RNGTT: variants seen among roughly 807,000 people sequenced by gnomAD.
RNGTT encodes mRNA-capping enzyme.
In RNGTT, 33 loss-of-function variants were observed where a neutral mutation model predicts 79.3. The ratio of observed to expected loss-of-function variants is 0.42; its 90% confidence interval spans 0.32 to 0.56. The LOEUF (loss-of-function observed/expected upper bound fraction) is 0.56, where lower values mean the gene tolerates loss of function less well. Among genes scored for constraint, RNGTT ranks in the 20% least tolerant of loss-of-function variants. RNGTT has a pLI of 0.17. For synonymous variants in RNGTT, 222 were observed against 235.9 expected (o/e 0.94, Z 0.54); for missense variants, 497 against 739.1 (o/e 0.67, Z 3.80).
intron 14 of RNGTT, among the ~76,000 whole-genome samples, chr6:88,642,028 TGAGAGAGA>T (rs138018201): frequency 2.0e-5 from 3 of 149,502 alleles, no homozygotes; most frequent in Admixed American, 6.7e-5. Flanking sequence ...CCTTGTCATT[TGAGAGAGA>T]GAGAGAGAGA....
intron 13 of RNGTT, among the ~76,000 whole-genome samples, chr6:88,726,461 A>G (rs1487018703): frequency 6.6e-6 from 1 of 151,708 alleles, no homozygotes. Context: ...CTATTCCATT[A>G]GAAAAAGATG....
intron 6 of RNGTT, among the ~76,000 whole-genome samples, chr6:88,904,076 A>G (rs2127942151): frequency 6.6e-6 from 1 of 152,308 alleles, no homozygotes; most frequent in East Asian, 1.9e-4. Flanking sequence ...TTATGTGACA[A>G]TTTTGTAAAG....
chr6:88,720,010 C>T (rs953618379), intron 13 of RNGTT, among the ~76,000 whole-genome samples: 4 of 152,188 alleles, frequency 2.6e-5, no homozygotes, highest in Non-Finnish European at 4.4e-5. Context: ...AAACACATCC[C>T]TACTCTGTGG....
At chr6:88,954,384 A>T (rs777568293) in intron 1 of RNGTT, among the ~76,000 whole-genome samples, 1 of 152,228 alleles carries the variant, frequency 6.6e-6, no homozygotes, top group Non-Finnish European at 1.5e-5. Context: ...GTTCAAAAAG[A>T]CAGAGAAGGA....
chr6:88,805,675 T>C (rs1036936830), intron 11 of RNGTT, among the ~76,000 whole-genome samples: 1 of 152,168 alleles, frequency 6.6e-6, no homozygotes, highest in African/African-American at 2.4e-5. Flanking sequence ...GCGATTCAGG[T>C]GCTCAGGTTC....
chr6:88,678,304 T>C (rs11753513), intron 14 of RNGTT, 49 bp downstream of exon 14: 530,210 of 1,572,314 alleles, frequency 0.34, 94,379 homozygotes, highest in Non-Finnish European at 0.37. Flanking sequence ...TGATGGATTC[T>C]AGATAAGAGA....
intron 14 of RNGTT, among the ~76,000 whole-genome samples, chr6:88,639,577 T>C (rs1444313576): frequency 6.6e-6 from 1 of 152,214 alleles, no homozygotes. Context: ...TGGCTCATAC[T>C]TCCCTTATAG....
At chr6:88,643,995 G>A (rs1773428561) in intron 14 of RNGTT, among the ~76,000 whole-genome samples, 1 of 151,942 alleles carries the variant, frequency 6.6e-6, no homozygotes, top group East Asian at 1.9e-4. Flanking sequence ...CAAGAAATAA[G>A]TAAGATCAGA....
intron 8 of RNGTT, among the ~76,000 whole-genome samples, chr6:88,871,027 G>C (rs1014558833): frequency 6.6e-6 from 1 of 152,072 alleles, no homozygotes; most frequent in African/African-American, 2.4e-5. Flanking sequence ...AATGCTGTTT[G>C]TAGTTTTTAC....
intron 14 of RNGTT, among the ~76,000 whole-genome samples, chr6:88,649,987 A>G (rs1209317564): frequency 2.0e-5 from 3 of 152,172 alleles, no homozygotes; most frequent in Non-Finnish European, 4.4e-5. Flanking sequence ...CTCCCAAACT[A>G]TAATTTTTCA....
chr6:88,748,936 T>C (rs1777754581), intron 13 of RNGTT, among the ~76,000 whole-genome samples: 1 of 151,762 alleles, frequency 6.6e-6, no homozygotes, highest in African/African-American at 2.4e-5. Flanking sequence ...AATACAAAGA[T>C]TGAATCTTAA....
intron 14 of RNGTT, among the ~76,000 whole-genome samples, chr6:88,667,724 A>G (rs1272895794): frequency 6.6e-6 from 1 of 152,200 alleles, no homozygotes; most frequent in African/African-American, 2.4e-5. Flanking sequence ...GACTTGGTAC[A>G]GAAGACGGCA....
At chr6:88,886,675 A>G (rs1224405173) in intron 8 of RNGTT, among the ~76,000 whole-genome samples, 1 of 152,328 alleles carries the variant, frequency 6.6e-6, no homozygotes, top group Middle Eastern at 3.4e-3. Flanking sequence ...CTCATTTTTA[A>G]AAGTATGAGT....
intron 11 of RNGTT, among the ~76,000 whole-genome samples, chr6:88,820,590 C>T (rs1780465080): frequency 6.6e-6 from 1 of 152,152 alleles, no homozygotes; most frequent in Non-Finnish European, 1.5e-5. Context: ...TTTCAGGACA[C>T]AAATATATAA....
rs183467838 is a variant in RNGTT at position 88,827,965 on chromosome 6, C to T, written c.1269+16392G>A. On this transcript the variant is annotated intron_variant, in intron 11 of 15. Transcript: ENST00000369485. ...GAAGGGGCAGCTATAGGCACAACTT[C>T]AGCAGACTTAAACGTTCCTGCCTAC... Among the ~76,000 whole-genome samples, 411 of 152,322 alleles carry T rather than the reference C, an allele frequency of 2.7e-3. 1 individual carries two copies. Among genetic ancestry groups the T allele is most frequent in the African/African-American group, 9.2e-3 (382 of 41,570 alleles).
intron 2 of RNGTT, among the ~76,000 whole-genome samples, 164 bp downstream of exon 2, chr6:88,940,907 G>C (rs1784824046): frequency 6.6e-6 from 1 of 152,196 alleles, no homozygotes; most frequent in Non-Finnish European, 1.5e-5. Flanking sequence ...ACACCATTGT[G>C]AGAAGCTGGG....
Position 88,647,715 on chromosome 6 carries a change from A to AAAAAAAAAGAAAAAAGAAG in RNGTT, c.1506+30637_1506+30638insCTTCTTTTTTCTTTTTTTT, listed in dbSNP as rs531898293. ...CGACACCCTGTTAAAAAAAAAAAAA[A>AAAAAAAAAGAAAAAAGAAG]AAGAAGAAGAAGAAAAGAAGGAAGG... is the stretch of plus-strand genomic sequence containing the variant. On this transcript the variant is annotated intron_variant, in intron 14 of 15. Transcript: ENST00000369485. Among the ~76,000 whole-genome samples, 68 of 142,432 alleles carry AAAAAAAAAGAAAAAAGAAG rather than the reference A, an allele frequency of 4.8e-4. 1 individual carries two copies. The highest frequency in any genetic ancestry group is 2.0e-3 in the African/African-American group (65 of 33,064). 93.4% of individuals were successfully genotyped at this position (142,432 alleles called of 152,430 possible).
intron 14 of RNGTT, among the ~76,000 whole-genome samples, chr6:88,627,599 T>C (rs957199290): frequency 1.3e-5 from 2 of 152,008 alleles, no homozygotes; most frequent in African/African-American, 4.8e-5. Flanking sequence ...GCTGAAAAAA[T>C]AAATAAAGAT....
chr6:88,728,983 A>G (rs975816790), intron 13 of RNGTT, among the ~76,000 whole-genome samples: 1 of 152,178 alleles, frequency 6.6e-6, no homozygotes, highest in African/African-American at 2.4e-5. Context: ...CCTTTCCACT[A>G]GGGTGGTCCT....
Sources: gnomAD v4.1 joint callset for allele counts (sites outside exome capture counted in the v4.1 genomes callset) on GRCh38, gnomAD v4.1.1 for gene constraint, MANE v1.5 for transcripts, NCBI Gene and HGNC (gene_info 2026-07-23, HGNC 2026-07-21) for gene names.